The following NCOA6 variants were observed in gnomAD, a reference collection of about 807,000 sequenced individuals.
The protein encoded by NCOA6 is nuclear receptor coactivator 6, also known as NRC RAP250.
A neutral mutation model predicts 171.4 loss-of-function variants in NCOA6; 49 were observed. The observed-to-expected ratio is 0.29, with a 90% CI of 0.23 to 0.36. The LOEUF (loss-of-function observed/expected upper bound fraction) is 0.36. Among genes scored for constraint, NCOA6 ranks in the 10% least tolerant of loss-of-function variants. NCOA6 has a pLI of 1.00. For missense variants in NCOA6, 2,248 were observed against 2,554.5 expected, an observed-to-expected ratio of 0.88 and a Z score of 2.59; for synonymous variants, 910 against 927.5, an observed-to-expected ratio of 0.98 and a Z score of 0.34.
rs757202562 is a variant in NCOA6, at chr20:34,742,178, T to C, written c.4078A>G (p.Thr1360Ala). The C allele has an allele frequency of 6.8e-6, 11 of 1,614,248 alleles. No homozygotes were observed. The highest frequency in any genetic ancestry group is 9.3e-6 in the Non-Finnish European group (11 of 1,180,046). ...KAPKLTLASQ[T>A]NAALLQNVEL... The stretch of plus-strand genomic sequence containing the variant: ...ACATTCTGCAATAGGGCTGCATTTG[T>C]CTGAGAGGCCAGAGTAAGTTTAGGG... Residue 1360 changes from threonine (T) to alanine (A), a missense_variant, in exon 11 of 15, where the codon ACA (threonine) becomes GCA (alanine). Coordinates refer to ENST00000359003, the MANE Select transcript of NCOA6 (RefSeq NM_014071.5).
intron 1 of NCOA6, among the ~76,000 whole-genome samples, chr20:34,818,197 A>G (rs567208520): frequency 6.6e-6 from 1 of 152,214 alleles, no homozygotes; most frequent in Non-Finnish European, 1.5e-5. Flanking sequence ...CATGCAAAAA[A>G]TGTGAGCCAT....
intron 1 of NCOA6, among the ~76,000 whole-genome samples, chr20:34,818,953 T>C (rs1309117520): frequency 2.6e-5 from 4 of 152,222 alleles, no homozygotes; most frequent in East Asian, 1.9e-4. Flanking sequence ...CTATCACCAA[T>C]GTGGTAATTT....
rs535713444 is a variant in NCOA6 at position 34,716,313 on chromosome 20, C to T, written c.6149-948G>A. Among the ~76,000 whole-genome samples the T allele has an allele frequency of 9.2e-5, 14 of 151,556 alleles. No homozygotes were observed. In the South Asian group the frequency reaches 1.9e-3, roughly 20 times the overall value. ...CTCTGAGCCCAAGTGAGCCTGAAGG[C>T]TTCATGGAGGAGGTGGGAACTGAGT... On this transcript the variant is annotated intron_variant, in intron 14 of 14. Transcript: ENST00000359003.
intron 11 of NCOA6, among the ~76,000 whole-genome samples, chr20:34,739,567 T>G (rs1387690710): frequency 6.6e-6 from 1 of 152,180 alleles, no homozygotes; most frequent in Non-Finnish European, 1.5e-5. Flanking sequence ...GAGGACCCAT[T>G]GTTCTGAAAT....
At chr20:34,737,062 C>T (rs2075979088) in intron 11 of NCOA6, among the ~76,000 whole-genome samples, 1 of 152,034 alleles carries the variant, frequency 6.6e-6, no homozygotes, top group Non-Finnish European at 1.5e-5. Context: ...GGGGTCAGGT[C>T]CTGACCACTA....
At chr20:34,778,041 AC>A (rs1329186337) in intron 3 of NCOA6, among the ~76,000 whole-genome samples, 2 of 151,880 alleles carry the variant, frequency 1.3e-5, no homozygotes, top group Non-Finnish European at 2.9e-5. Flanking sequence ...CTGAGCTGGG[AC>A]TACAGGTGCA....
chr20:34,759,964 G>A (rs1485811119), intron 5 of NCOA6, among the ~76,000 whole-genome samples: 1 of 152,074 alleles, frequency 6.6e-6, no homozygotes, highest in Non-Finnish European at 1.5e-5. Context: ...AAACTTTTCA[G>A]AATTTATCAT....
At chr20:34,778,918 CACTGCA>C (rs2077429402) in intron 3 of NCOA6, among the ~76,000 whole-genome samples, 1 of 143,568 alleles carries the variant, frequency 7.0e-6, no homozygotes, top group Non-Finnish European at 1.5e-5. Context: ...GAGATCGCAC[CACTGCA>C]CTCCAGCCTG....
chr20:34,778,866 G>A (rs1172115215), intron 3 of NCOA6, among the ~76,000 whole-genome samples: 1 of 150,908 alleles, frequency 6.6e-6, no homozygotes, highest in Non-Finnish European at 1.5e-5. Context: ...GGCTGAAGCA[G>A]GAGAATGGCG....
At chr20:34,715,445 G>T in intron 14 of NCOA6, 80 bp from the exon 15 acceptor site, 1 of 1,035,032 alleles carries the variant, frequency 9.7e-7, no homozygotes, top group Non-Finnish European at 1.5e-6. Context: ...AACAAGCAGG[G>T]CAGACCTAAG....
rs142853939 is a variant in NCOA6 at position 34,778,489 on chromosome 20, G to A, written c.236-2041C>T. 7.0e-4 allele frequency among the ~76,000 whole-genome samples: 105 copies of A among 150,456 alleles called. 1 individual carries two copies. Among genetic ancestry groups the A allele is most frequent in the African/African-American group, 2.4e-3 (98 of 40,976 alleles). On this transcript the variant is annotated intron_variant, in intron 3 of 14. Coordinates refer to ENST00000359003, the MANE Select transcript of NCOA6 (RefSeq NM_014071.5). ...TGTCGCCAGGCTGGAGTGCAGTGGC[G>A]CAATCTTGGCTCGCTGCAACCTCTG...
chr20:34,803,897 C>T (rs900834596), intron 1 of NCOA6, among the ~76,000 whole-genome samples: 4 of 151,896 alleles, frequency 2.6e-5, no homozygotes, highest in Non-Finnish European at 5.9e-5. Context: ...TACTAGGAGG[C>T]TGAGGCAGGA....
chr20:34,740,469 G>C lies in NCOA6; in HGVS notation c.5787C>G (p.Ala1929=), dbSNP rs375930366. ...TTLVPSELIS[A]VPTTKSNHGG... Reference sequence around the variant, plus strand: ...CATGATTGCTTTTTGTGGTCGGTACGGCGGAGATGAGCTCGGAGGGTACCA... The same window carrying C: ...CATGATTGCTTTTTGTGGTCGGTACCGCGGAGATGAGCTCGGAGGGTACCA... Residue 1929 remains alanine (A), a synonymous_variant, in exon 11 of 15, where the codon GCC becomes GCG. Coordinates refer to ENST00000359003, the MANE Select transcript of NCOA6 (RefSeq NM_014071.5). The C allele has an allele frequency of 1.9e-6, 3 of 1,614,076 alleles. No homozygotes were observed. The highest frequency in any genetic ancestry group is 2.5e-6 in the Non-Finnish European group (3 of 1,180,048).
chr20:34,731,178 C>A (rs1053304143), intron 13 of NCOA6, among the ~76,000 whole-genome samples: 3 of 152,140 alleles, frequency 2.0e-5, no homozygotes, highest in African/African-American at 7.2e-5. Context: ...CGCCACCATG[C>A]CTGGCTAATT....
chr20:34,783,203 T>C (rs1348360743), intron 2 of NCOA6, among the ~76,000 whole-genome samples: 1 of 151,500 alleles, frequency 6.6e-6, no homozygotes. Flanking sequence ...ATTGCTTGAA[T>C]CCAGGAGGGT....
At chr20:34,767,960 A>C (rs1386306283) in intron 5 of NCOA6, among the ~76,000 whole-genome samples, 1 of 152,206 alleles carries the variant, frequency 6.6e-6, no homozygotes, top group Admixed American at 6.5e-5. Context: ...CAATCTCTGA[A>C]GAAGAAATTT....
At chr20:34,734,205 T>G (rs988088829) in intron 12 of NCOA6, among the ~76,000 whole-genome samples, 2 of 151,610 alleles carry the variant, frequency 1.3e-5, no homozygotes, top group Non-Finnish European at 2.9e-5. Flanking sequence ...GCTGGGAGTA[T>G]AGGCACGCGG....
chr20:34,811,117 C>T (rs934786925), intron 1 of NCOA6, among the ~76,000 whole-genome samples: 1 of 144,458 alleles, frequency 6.9e-6, no homozygotes, highest in African/African-American at 2.6e-5. Flanking sequence ...AGGATGAACA[C>T]CAGAGCTAGG....
In NCOA6 at chr20:34,782,376, C is replaced by T; in HGVS notation, c.-21G>A. 3 of 1,479,270 alleles carry T rather than the reference C, an allele frequency of 2.0e-6. No homozygotes were observed. The highest frequency in any genetic ancestry group is 1.9e-6 in the Non-Finnish European group (2 of 1,077,704). The allele number at this position is 1,479,270 out of a possible 1,614,324, so 91.6% of individuals were successfully genotyped here. The stretch of plus-strand genomic sequence containing the variant: ...ACCATGGTGAATATTATTCCAGAAG[C>T]ATATGCCAAGAGGACAATAAGAAAA... On this transcript the variant is annotated 5_prime_UTR_variant, in exon 3 of 15. An upstream start codon of the reference 5' UTR is lost. Transcript: ENST00000359003.
Sources: gnomAD v4.1 joint callset for allele counts (sites outside exome capture counted in the v4.1 genomes callset) on GRCh38, gnomAD v4.1.1 for gene constraint, MANE v1.5 for transcripts, NCBI Gene and HGNC (gene_info 2026-07-23, HGNC 2026-07-21) for gene names.